MROH1: variants seen among roughly 807,000 people sequenced by gnomAD.
MROH1 encodes the protein maestro heat-like repeat-containing protein family member 1.
A neutral mutation model predicts 116.5 loss-of-function variants in MROH1; 117 were observed. The ratio of observed to expected loss-of-function variants is 1.00; its 90% confidence interval spans 0.86 to 1.17. The LOEUF is 1.17. Ranked by LOEUF, MROH1 falls within the 50% of genes most tolerant of loss-of-function variation. MROH1 has a pLI of 0.00. For synonymous variants in MROH1, 921 were observed against 583.9 expected (o/e 1.58, Z -8.32); for missense variants, 1,873 against 1,338.5 (o/e 1.40, Z -6.23).
rs1837165308 is a variant in MROH1, at chr8:144,223,228, G to A, written c.1336G>A (p.Glu446Lys). Residue 446 changes from glutamate to lysine, a missense_variant and splice_region_variant, in exon 14 of 44, where the codon GAG becomes AAG. Transcript: ENST00000326134. ...GCAGTGCGCGCTGCCCCCCGAGCAG[G>A]AGGTAAGGGGCTGCCACCTTGCCTG... ...VQQCALPPEQEPEKPGPGSKD... is the reference protein window; with the variant it reads ...VQQCALPPEQKPEKPGPGSKD... The A allele has an allele frequency of 6.3e-7, 1 of 1,599,676 alleles. No individual in the cohort carries two copies. The highest frequency in any genetic ancestry group is 8.5e-7 in the Non-Finnish European group (1 of 1,173,848).
chr8:144,203,451 C>CG (rs1387514001), intron 12 of MROH1, among the ~76,000 whole-genome samples: 4 of 147,606 alleles, frequency 2.7e-5, no homozygotes, highest in Non-Finnish European at 4.5e-5. Flanking sequence ...GGGGAGCGCC[C>CG]CCTCTGGAGG....
Position 144,239,022 on chromosome 8 carries a change from T to C in MROH1, c.1447-13T>C. The C allele has an allele frequency of 1.3e-6, 1 of 777,426 alleles. No homozygotes were observed. Among genetic ancestry groups the C allele is most frequent in the Middle Eastern group, 2.7e-4 (1 of 3,678 alleles). 48.2% of individuals were successfully genotyped at this position (777,426 alleles called of 1,614,324 possible). On this transcript the variant is annotated splice_polypyrimidine_tract_variant and intron_variant, in intron 15 of 43. Transcript: ENST00000326134. The stretch of plus-strand genomic sequence containing the variant: ...CTCTGGGCGGATGCAGACCAGGCCC[T>C]CTGCTCCCCTAGGTCCTCTGGCCAT...
At chr8:144,159,095 C>T (rs1279925425) in intron 1 of MROH1, among the ~76,000 whole-genome samples, 5 of 152,170 alleles carry the variant, frequency 3.3e-5, no homozygotes, top group Admixed American at 6.5e-5. Flanking sequence ...CAGTGGCTCA[C>T]GCCTGTAATC....
chr8:144,199,564 G>C (rs1404274185), intron 11 of MROH1, among the ~76,000 whole-genome samples: 1 of 147,470 alleles, frequency 6.8e-6, no homozygotes, highest in Non-Finnish European at 1.5e-5. Context: ...GTGGCTGCTA[G>C]CCCTGGTCAC....
intron 13 of MROH1, among the ~76,000 whole-genome samples, chr8:144,221,117 T>C (rs985684981): frequency 3.3e-5 from 5 of 152,066 alleles, no homozygotes; most frequent in Non-Finnish European, 4.4e-5. Context: ...CCCCCGCCCC[T>C]CTTCACAGCA....
rs1840805433 is a variant in MROH1 at position 144,240,577 on chromosome 8, G to A, written c.1835G>A (p.Arg612Gln). The A allele has an allele frequency of 7.0e-6, 5 of 716,750 alleles. No individual in the cohort carries two copies. Among genetic ancestry groups the A allele is most frequent in the Non-Finnish European group, 1.3e-5 (5 of 384,914 alleles). The allele number at this position is 716,750 out of a possible 1,614,324, so 44.4% of individuals were successfully genotyped here. ...EWEEKLLMFL[R>Q]DTLAIISDNA... ...TGGCATCTTGGCCTGCAGTTCCTGC[G>A]AGACACCCTGGCCATCATTTCTGAC... Residue 612 changes from arginine to glutamine, a missense_variant, in exon 20 of 44, where the codon CGA becomes CAA. Arg to Gln is a conservative substitution (Grantham distance 43, BLOSUM62 1). Transcript: ENST00000326134.
intron 15 of MROH1, 26 bp downstream of exon 15, chr8:144,238,889 C>T: frequency 1.3e-6 from 1 of 770,848 alleles, no homozygotes; most frequent in East Asian, 2.4e-5. Flanking sequence ...CCGTCCCTGC[C>T]TGGCGACAAC....
Position 144,260,901 on chromosome 8 carries a change from C to G in MROH1, c.4537-6C>G, listed in dbSNP as rs1844917424. 6.4e-6 allele frequency: 5 copies of G among 777,476 alleles called. No individual in the cohort carries two copies. The highest frequency in any genetic ancestry group is 1.2e-5 in the Non-Finnish European group (5 of 417,766). The allele number at this position is 777,476 out of a possible 1,614,324, so 48.2% of individuals were successfully genotyped here. A position where few individuals can be genotyped will look rare whatever the true frequency, so the allele number is the denominator to read the frequency against. ...CTGGACTTGGCCCCAGTGCCGCATC[C>G]CTTAGGCCTGCAGGTTTGCCCTGCG... On this transcript the variant is annotated splice_polypyrimidine_tract_variant and splice_region_variant and intron_variant, in intron 40 of 43. Transcript: ENST00000326134.
intron 22 of MROH1, 83 bp downstream of exon 22, chr8:144,241,600 G>A (rs1840986895): frequency 7.8e-6 from 6 of 770,234 alleles, no homozygotes; most frequent in Admixed American, 3.4e-5. Flanking sequence ...GGGCTGGAGT[G>A]GGGCAGGAAG....
At chr8:144,172,738 A>G (rs1326665280) in intron 4 of MROH1, among the ~76,000 whole-genome samples, 1 of 152,174 alleles carries the variant, frequency 6.6e-6, no homozygotes, top group Non-Finnish European at 1.5e-5. Flanking sequence ...GTTGTCAGTC[A>G]GAAAATCTCT....
chr8:144,253,372 C>T (rs1331582153), intron 33 of MROH1, among the ~76,000 whole-genome samples: 1 of 152,250 alleles, frequency 6.6e-6, no homozygotes, highest in Non-Finnish European at 1.5e-5. Context: ...TCTCGCACTA[C>T]AGCGGCAGGC....
intron 1 of MROH1, among the ~76,000 whole-genome samples, chr8:144,153,353 C>T (rs1233173461): frequency 2.0e-5 from 3 of 152,006 alleles, no homozygotes; most frequent in African/African-American, 4.8e-5. Context: ...CCCACCACCA[C>T]GCCCAGCTAA....
chr8:144,174,505 G>C (rs998301043), intron 4 of MROH1, among the ~76,000 whole-genome samples: 1 of 149,890 alleles, frequency 6.7e-6, no homozygotes, highest in African/African-American at 2.5e-5. Context: ...TTAAATTCAG[G>C]GATGGACTCC....
At chr8:144,183,889 C>T (rs1478807010) in intron 7 of MROH1, among the ~76,000 whole-genome samples, 10 of 152,072 alleles carry the variant, frequency 6.6e-5, no homozygotes, top group African/African-American at 1.7e-4. Flanking sequence ...CCTCGTGATC[C>T]GCCCGCCTCG....
chr8:144,200,688 C>T, intron 12 of MROH1, 147 bp downstream of exon 12: 1 of 666,264 alleles, frequency 1.5e-6, no homozygotes, highest in East Asian at 2.8e-5. Context: ...TTGCAAAATT[C>T]TAAACTTTTT....
chr8:144,249,658 C>T (rs1842509816), intron 32 of MROH1, among the ~76,000 whole-genome samples: 1 of 152,046 alleles, frequency 6.6e-6, no homozygotes, highest in Non-Finnish European at 1.5e-5. Context: ...CCCCGCGTTC[C>T]GTTCACCTGC....
intron 43 of MROH1, 66 bp from the exon 44 acceptor site, chr8:144,261,589 G>A (rs1845082822): frequency 1.4e-6 from 1 of 700,746 alleles, no homozygotes; most frequent in Non-Finnish European, 2.6e-6. Context: ...GGAGAGCGTG[G>A]CCCACGCGCA....
At chr8:144,221,480 G>A (rs186354648) in intron 13 of MROH1, among the ~76,000 whole-genome samples, 2 of 152,118 alleles carry the variant, frequency 1.3e-5, no homozygotes, top group East Asian at 3.9e-4. Flanking sequence ...GGTAGGACCT[G>A]CTTGCTACAG....
chr8:144,181,096 C>T (rs1032877030), intron 7 of MROH1, among the ~76,000 whole-genome samples: 3 of 152,108 alleles, frequency 2.0e-5, no homozygotes, highest in African/African-American at 4.8e-5. Flanking sequence ...CCTGAGCTAC[C>T]CTTAGTGCCC....
Sources: allele counts gnomAD v4.1 joint callset (sites outside exome capture counted in the v4.1 genomes callset), GRCh38; gene constraint gnomAD v4.1.1; transcripts MANE v1.5; gene names NCBI Gene and HGNC (gene_info 2026-07-23, HGNC 2026-07-21).